PCLO: variants seen among roughly 807,000 people sequenced by gnomAD.
PCLO encodes the protein piccolo presynaptic cytomatrix protein, also known as protein piccolo.
PCLO carries 82 observed loss-of-function variants against 427.5 expected under a neutral mutation model. The ratio of observed to expected loss-of-function variants is 0.19; its 90% confidence interval spans 0.16 to 0.23. The LOEUF is 0.23. Among genes scored for constraint, PCLO ranks in the 10% least tolerant of loss-of-function variants. The pLI is 1.00. For synonymous variants in PCLO, 2,357 were observed against 2,155.4 expected (o/e 1.09, Z -2.59); for missense variants, 6,239 against 6,115.9 (o/e 1.02, Z -0.67).
At chr7:82,937,613 T>G (rs79112166) in intron 6 of PCLO, among the ~76,000 whole-genome samples, 1,535 of 151,860 alleles carry the variant, frequency 0.01, 27 homozygotes, top group African/African-American at 0.034. Flanking sequence ...TTGCATATTT[T>G]AAATGCTCAA....
intron 3 of PCLO, among the ~76,000 whole-genome samples, chr7:83,122,506 G>A (rs904423146): frequency 2.2e-4 from 33 of 151,998 alleles, no homozygotes; most frequent in Admixed American, 1.0e-3. Flanking sequence ...GGTTGGTCTC[G>A]AACTGCTGAC....
Position 82,953,059 on chromosome 7 carries a change from G to T in PCLO, c.7894C>A (p.Pro2632Thr). ...TAGAAGGTCTGTTCTGAAGAAATTG[G>T]AATTTCTACAGCTGTCACAGGAGGA... ...VVPPVTAVEIPISSEQTFYIS... is the reference protein window; with the variant it reads ...VVPPVTAVEITISSEQTFYIS... The change falls in exon 5 of 25, where the codon CCA (proline) becomes ACA (threonine). Residue 2632 changes from proline (P) to threonine (T), a missense_variant. Pro to Thr is a conservative substitution (Grantham distance 38). Coordinates refer to ENST00000333891, the MANE Select transcript of PCLO (RefSeq NM_033026.6). The T allele has an allele frequency of 6.2e-7, 1 of 1,613,874 alleles. No homozygotes were observed. Among genetic ancestry groups the T allele is most frequent in the Admixed American group, 1.7e-5 (1 of 60,012 alleles).
Position 82,950,405 on chromosome 7 carries a change from A to C in PCLO, c.10183T>G (p.Ser3395Ala), listed in dbSNP as rs1795310525. 1 of 1,613,720 alleles carries C rather than the reference A, an allele frequency of 6.2e-7. No homozygotes were observed. Among genetic ancestry groups the C allele is most frequent in the Non-Finnish European group, 8.5e-7 (1 of 1,179,820 alleles). The change falls in exon 6 of 25, where the codon TCA becomes GCA. Residue 3395 changes from serine to alanine, a missense_variant. Transcript: ENST00000333891. Reference sequence around the variant, plus strand: ...ACAACATCTGTTAGAGGTATTTCTGAAACAGTGCTCAGGATACCAGGTGGG... The same window carrying C: ...ACAACATCTGTTAGAGGTATTTCTGCAACAGTGCTCAGGATACCAGGTGGG... ...IAPPGILSTV[S>A]EIPLTDVVVK...
intron 22 of PCLO, among the ~76,000 whole-genome samples, chr7:82,775,894 T>C (rs1303841639): frequency 6.6e-6 from 1 of 152,220 alleles, no homozygotes; most frequent in Admixed American, 6.5e-5. Flanking sequence ...GTTCTGTGTC[T>C]AGGTTAACTT....
rs969011984 is a variant in PCLO at position 82,832,818 on chromosome 7, C to T, written c.14249+2849G>A. On this transcript the variant is annotated intron_variant, in intron 16 of 24. Transcript: ENST00000333891. ...AACTTACTACACACACACACACACA[C>T]ACACACACACACACACACACACACA... Among the ~76,000 whole-genome samples, 11 of 151,126 alleles carry T rather than the reference C, an allele frequency of 7.3e-5. No homozygotes were observed. The East Asian group carries it at 1.7e-3, about 24-fold the overall frequency.
At chr7:82,854,575 T>G (rs1399264572) in intron 10 of PCLO, among the ~76,000 whole-genome samples, 1 of 152,148 alleles carries the variant, frequency 6.6e-6, no homozygotes, top group Non-Finnish European at 1.5e-5. Flanking sequence ...CCTACTCTTT[T>G]GCTTTAAGTC....
chr7:82,771,682 C>T (rs1373870758), intron 22 of PCLO, among the ~76,000 whole-genome samples: 1 of 151,918 alleles, frequency 6.6e-6, no homozygotes, highest in Non-Finnish European at 1.5e-5. Context: ...CAAGATAGCC[C>T]AGGATTATTG....
At chr7:83,055,175 A>T (rs539523839) in intron 3 of PCLO, among the ~76,000 whole-genome samples, 1 of 152,106 alleles carries the variant, frequency 6.6e-6, no homozygotes, top group South Asian at 2.1e-4. Flanking sequence ...AAATAATCCC[A>T]AAACAAATTC....
chr7:83,124,019 T>C (rs1250673902), intron 3 of PCLO, among the ~76,000 whole-genome samples: 1 of 78,992 alleles, frequency 1.3e-5, no homozygotes, highest in Non-Finnish European at 2.5e-5. Flanking sequence ...AAAGAAAACA[T>C]ACAAATGGCC....
intron 10 of PCLO, among the ~76,000 whole-genome samples, chr7:82,875,592 A>C (rs1793350280): frequency 6.6e-6 from 1 of 152,098 alleles, no homozygotes; most frequent in Non-Finnish European, 1.5e-5. Flanking sequence ...CAAAAGCTAG[A>C]AGGAATTTGA....
At chr7:82,949,256 T>TACACAC (rs369915572) in intron 6 of PCLO, among the ~76,000 whole-genome samples, 3,228 of 149,774 alleles carry the variant, frequency 0.022, 123 homozygotes, top group African/African-American at 0.075. Flanking sequence ...TATGGTTTCC[T>TACACAC]ACACACACAC....
intron 6 of PCLO, among the ~76,000 whole-genome samples, chr7:82,919,090 A>AG (rs1794536286): frequency 6.6e-6 from 1 of 151,960 alleles, no homozygotes; most frequent in South Asian, 2.1e-4. Flanking sequence ...TGTTTAGGTG[A>AG]GAAAAAAGAG....
intron 3 of PCLO, among the ~76,000 whole-genome samples, chr7:82,974,923 T>C (rs998901844): frequency 2.6e-5 from 4 of 151,856 alleles, no homozygotes; most frequent in African/African-American, 9.7e-5. Context: ...GGACTACAGG[T>C]GCCCGCCACC....
chr7:82,812,353 T>C (rs1230372273), intron 20 of PCLO, among the ~76,000 whole-genome samples: 1 of 151,546 alleles, frequency 6.6e-6, no homozygotes, highest in Non-Finnish European at 1.5e-5. Flanking sequence ...TTTTCTTACA[T>C]GAAAAAATAC....
chr7:83,135,326 A>G lies in PCLO; in HGVS notation c.2224T>C (p.Ser742Pro), dbSNP rs574692643. 17 of 1,613,910 alleles carry G rather than the reference A, an allele frequency of 1.1e-5. No individual in the cohort carries two copies. The South Asian group carries it at 1.4e-4, about 14-fold the overall frequency. Residue 742 changes from serine to proline, a missense_variant, in exon 3 of 25, where the codon TCT becomes CCT. Ser to Pro is a moderately conservative substitution (Grantham distance 74). Transcript: ENST00000333891. Reference sequence around the variant, plus strand: ...GCAACAGGGGCCTTGTCCTGCTCAGATGGGACAGAAGGTTCTTTGGGAGGG... The same window carrying G: ...GCAACAGGGGCCTTGTCCTGCTCAGGTGGGACAGAAGGTTCTTTGGGAGGG... ...PAPPKEPSVPSEQDKAPVADD... is the reference protein window; with the variant it reads ...PAPPKEPSVPPEQDKAPVADD...
chr7:82,923,640 A>C (rs1361615677), intron 6 of PCLO, among the ~76,000 whole-genome samples: 1 of 152,088 alleles, frequency 6.6e-6, no homozygotes, highest in East Asian at 1.9e-4. Flanking sequence ...ATTTTCTTTA[A>C]TTACAATGTT....
At chr7:83,127,053 A>AT (rs1166620459) in intron 3 of PCLO, among the ~76,000 whole-genome samples, 2 of 152,164 alleles carry the variant, frequency 1.3e-5, no homozygotes, top group African/African-American at 4.8e-5. Flanking sequence ...AATGTAAATT[A>AT]TATGTACAAA....
At chr7:83,109,676 T>G (rs1364686895) in intron 3 of PCLO, among the ~76,000 whole-genome samples, 1 of 152,118 alleles carries the variant, frequency 6.6e-6, no homozygotes, top group African/African-American at 2.4e-5. Context: ...GCCTCTCATT[T>G]TCATATATTT....
rs948109011 is a variant in PCLO at position 82,845,592 on chromosome 7, T to A, written c.13832-107A>T. ...CAAAGGTAAAACATTACCTATAAAA[T>A]AAGCTAAACTTTAAAAATGAAATTA... is the stretch of plus-strand genomic sequence containing the variant. On this transcript the variant is annotated intron_variant, in intron 12 of 24. Transcript: ENST00000333891. 3.7e-5 allele frequency: 26 copies of A among 702,358 alleles called. No individual in the cohort carries two copies. The East Asian group carries it at 5.7e-4, about 15-fold the overall frequency. 43.5% of individuals were successfully genotyped at this position (702,358 alleles called of 1,614,324 possible).
Sources: gnomAD v4.1 joint callset for allele counts (sites outside exome capture counted in the v4.1 genomes callset) on GRCh38, gnomAD v4.1.1 for gene constraint, MANE v1.5 for transcripts, NCBI Gene and HGNC (gene_info 2026-07-23, HGNC 2026-07-21) for gene names.